PTPN4: variants seen among roughly 807,000 people sequenced by gnomAD.
PTPN4 encodes the protein tyrosine-protein phosphatase non-receptor type 4.
In PTPN4, 49 loss-of-function variants were observed where a neutral mutation model predicts 135.5. That is an observed-to-expected ratio of 0.36 (90% CI 0.29 to 0.46). PTPN4 has a LOEUF of 0.46. Ranked by LOEUF, PTPN4 falls within the 20% of genes least tolerant of loss-of-function variation. PTPN4 has a pLI of 1.00. For missense variants in PTPN4, 860 were observed against 1,101.0 expected (o/e 0.78, Z 3.10); for synonymous variants, 333 against 369.9 (o/e 0.90, Z 1.14).
At chr2:119,771,890 T>C (rs1239504812) in intron 1 of PTPN4, among the ~76,000 whole-genome samples, 2 of 152,240 alleles carry the variant, frequency 1.3e-5, no homozygotes, top group African/African-American at 4.8e-5. Context: ...GTTTTGCCCT[T>C]TATAATCTCC....
At chr2:119,821,607 A>T (rs1234309793) in intron 2 of PTPN4, among the ~76,000 whole-genome samples, 1 of 152,018 alleles carries the variant, frequency 6.6e-6, no homozygotes, top group Non-Finnish European at 1.5e-5. Flanking sequence ...CTGGATGTTG[A>T]TAGGCACTTG....
intron 8 of PTPN4, among the ~76,000 whole-genome samples, chr2:119,883,412 TCAATATTCATTCATTAA>T (rs986180058): frequency 3.9e-5 from 6 of 152,204 alleles, no homozygotes; most frequent in African/African-American, 1.2e-4. Context: ...CTTAACCTTA[TCAATATTCATTCATTAA>T]CAATATTCAT....
intron 9 of PTPN4, among the ~76,000 whole-genome samples, chr2:119,897,748 T>TA (rs1678345729): frequency 1.3e-5 from 2 of 152,376 alleles, no homozygotes; most frequent in South Asian, 4.1e-4. Context: ...GTTCCAAAGA[T>TA]AACTACATAG....
intron 2 of PTPN4, among the ~76,000 whole-genome samples, chr2:119,856,772 G>A (rs189649061): frequency 2.7e-3 from 407 of 152,266 alleles, no homozygotes; most frequent in Middle Eastern, 3.4e-3. Flanking sequence ...TTCATACTAG[G>A]AGGATAATAA....
rs113178219 is a variant in PTPN4 at position 119,957,241 on chromosome 2, A to G, written c.2133+164A>G. Among the ~76,000 whole-genome samples, 1,271 of 152,274 alleles carry G rather than the reference A, an allele frequency of 8.3e-3. 18 individuals carry two copies. Among genetic ancestry groups the G allele is most frequent in the African/African-American group, 0.026 (1,069 of 41,548 alleles). On this transcript the variant is annotated intron_variant, in intron 22 of 26. Transcript: ENST00000263708. ...AAAGAAAATATTTTGGTACTTGTGT[A>G]TTAATACAGGTAGAGCAGTGGAATG... is the stretch of plus-strand genomic sequence containing the variant.
At chr2:119,871,146 A>G (rs1295009537) in intron 3 of PTPN4, among the ~76,000 whole-genome samples, 4 of 149,086 alleles carry the variant, frequency 2.7e-5, no homozygotes, top group South Asian at 2.2e-4. Flanking sequence ...AGAGATGCCA[A>G]TTACAATGAT....
chr2:119,897,121 C>A (rs143414590), intron 9 of PTPN4, among the ~76,000 whole-genome samples: 1 of 151,926 alleles, frequency 6.6e-6, no homozygotes, highest in African/African-American at 2.4e-5. Flanking sequence ...TTGATAGAGA[C>A]GGGGTTTCAC....
chr2:119,767,497 G>A (rs984706340), intron 1 of PTPN4, among the ~76,000 whole-genome samples: 3 of 152,136 alleles, frequency 2.0e-5, no homozygotes, highest in African/African-American at 7.2e-5. Context: ...GAACCTAGAT[G>A]CCATTCAAAT....
chr2:119,931,673 C>T (rs1439423850), intron 13 of PTPN4, among the ~76,000 whole-genome samples: 1 of 151,884 alleles, frequency 6.6e-6, no homozygotes, highest in Non-Finnish European at 1.5e-5. Context: ...TTCCTAAGTT[C>T]CAGTGATCCT....
chr2:119,790,192 G>T (rs1297976541), intron 1 of PTPN4, among the ~76,000 whole-genome samples: 1 of 151,484 alleles, frequency 6.6e-6, no homozygotes, highest in Non-Finnish European at 1.5e-5. Context: ...TATTTTTTTT[G>T]TTGGTCATAG....
chr2:119,962,452 C>T (rs964703588), intron 23 of PTPN4, among the ~76,000 whole-genome samples, 164 bp from the exon 24 acceptor site: 36 of 146,088 alleles, frequency 2.5e-4, no homozygotes, highest in African/African-American at 3.3e-4. Context: ...AAAACTCCAT[C>T]GCAAAAAAAA....
At chr2:119,797,306 C>T (rs1292038197) in intron 1 of PTPN4, among the ~76,000 whole-genome samples, 2 of 152,142 alleles carry the variant, frequency 1.3e-5, no homozygotes, top group Admixed American at 6.5e-5. Context: ...TTATTCTGGA[C>T]TGTTTTGTTC....
chr2:119,924,845 C>A (rs1360419516), intron 12 of PTPN4, among the ~76,000 whole-genome samples: 1 of 151,958 alleles, frequency 6.6e-6, no homozygotes, highest in African/African-American at 2.4e-5. Flanking sequence ...AAGCAGAAAG[C>A]CCTTTTGGTA....
intron 26 of PTPN4, among the ~76,000 whole-genome samples, chr2:119,970,089 C>T (rs944756079): frequency 2.0e-5 from 3 of 151,384 alleles, no homozygotes; most frequent in Non-Finnish European, 4.4e-5. Context: ...GACAGAGTTT[C>T]GCTCCTGTTG....
Position 119,979,324 on chromosome 2 carries a change from T to A in PTPN4, c.*2254T>A, listed in dbSNP as rs1334578215. ...ATGTTCTTTAATTTAGGGCCTTGTT[T>A]ATACTTGTGAGTTTAATAATTTCTT... On this transcript the variant is annotated 3_prime_UTR_variant, in exon 27 of 27. Coordinates refer to ENST00000263708, the MANE Select transcript of PTPN4 (RefSeq NM_002830.4). 6.6e-6 allele frequency: 1 copy of A among 152,154 alleles called. No individual in the cohort carries two copies. Among genetic ancestry groups the A allele is most frequent in the Non-Finnish European group, 1.5e-5 (1 of 67,980 alleles). The allele number at this position is 152,154 out of a possible 1,614,324, so 9.4% of individuals were successfully genotyped here.
At chr2:119,866,998 G>T (rs1677842818) in intron 3 of PTPN4, among the ~76,000 whole-genome samples, 1 of 152,088 alleles carries the variant, frequency 6.6e-6, no homozygotes, top group Non-Finnish European at 1.5e-5. Context: ...GACCTGGGGT[G>T]CACAGAAGTG....
chr2:119,850,178 T>C (rs533532450), intron 2 of PTPN4, among the ~76,000 whole-genome samples: 1 of 152,370 alleles, frequency 6.6e-6, no homozygotes, highest in East Asian at 1.9e-4. Context: ...TTTTCTGTTC[T>C]TGTGGCCTGT....
intron 2 of PTPN4, among the ~76,000 whole-genome samples, chr2:119,855,122 T>A (rs916600713): frequency 6.6e-6 from 1 of 152,224 alleles, no homozygotes; most frequent in Non-Finnish European, 1.5e-5. Context: ...GACCTCTGTC[T>A]ATAGAATTTC....
At chr2:119,952,813 G>A (rs1244656374) in intron 19 of PTPN4, among the ~76,000 whole-genome samples, 1 of 152,146 alleles carries the variant, frequency 6.6e-6, no homozygotes, top group Admixed American at 6.6e-5. Flanking sequence ...CTAATTGCAC[G>A]AATTTCCTCC....
Sources: gnomAD v4.1 joint callset for allele counts (sites outside exome capture counted in the v4.1 genomes callset) on GRCh38, gnomAD v4.1.1 for gene constraint, MANE v1.5 for transcripts, NCBI Gene and HGNC (gene_info 2026-07-23, HGNC 2026-07-21) for gene names.